Variants in VPS54 observed in about 807,000 individuals in gnomAD.
The protein encoded by VPS54 is vacuolar protein sorting-associated protein 54.
In VPS54, 45 loss-of-function variants were observed where a neutral mutation model predicts 121.5. The observed-to-expected ratio is 0.37, with a 90% CI of 0.29 to 0.47. The LOEUF (loss-of-function observed/expected upper bound fraction) is 0.47. Ranked by LOEUF, VPS54 falls within the 20% of genes least tolerant of loss-of-function variation. The pLI, the probability that VPS54 is intolerant of heterozygous loss-of-function variation, is 0.99. For synonymous variants in VPS54, 371 were observed against 385.8 expected, an observed-to-expected ratio of 0.96 and a Z score of 0.45; for missense variants, 1,090 against 1,131.4, an observed-to-expected ratio of 0.96 and a Z score of 0.52.
At chr2:63,984,724 A>G (rs1026203494) in intron 1 of VPS54, among the ~76,000 whole-genome samples, 3 of 152,246 alleles carry the variant, frequency 2.0e-5, no homozygotes, top group African/African-American at 7.2e-5. Context: ...TAAGCAAAAC[A>G]CAAGTTAACC....
intron 1 of VPS54, among the ~76,000 whole-genome samples, chr2:64,002,160 T>C (rs1384602829): frequency 6.6e-6 from 1 of 152,172 alleles, no homozygotes; most frequent in Non-Finnish European, 1.5e-5. Context: ...ATTGCTGCAC[T>C]CCTCCTATCC....
rs778510310 is a variant in VPS54 at position 63,933,906 on chromosome 2, A to C, written c.1506T>G (p.Asn502Lys). The C allele has an allele frequency of 6.2e-7, 1 of 1,613,770 alleles. No individual in the cohort carries two copies. Among genetic ancestry groups the C allele is most frequent in the South Asian group, 1.1e-5 (1 of 91,072 alleles). The part of the protein sequence containing the change: ...ISQQKNAAKD[N>K]SLDTEVAYLI... ...AATAAGCCACCTCTGTGTCCAGTGA[A>C]TTATCTTTTGCAGCATTCTTCTGTT... Residue 502 changes from asparagine to lysine, a missense_variant, in exon 12 of 23, where the codon AAT becomes AAG. Transcript: ENST00000272322.
rs1241958588 is a variant in VPS54 at position 63,897,608 on chromosome 2, CTA to C, written c.2734-20_2734-19del. The C allele has an allele frequency of 1.0e-5, 14 of 1,395,324 alleles. No homozygotes were observed. The African/African-American group carries it at 1.6e-4, about 16-fold the overall frequency. 86.4% of individuals were successfully genotyped at this position (1,395,324 alleles called of 1,614,324 possible). A position where few individuals can be genotyped will look rare whatever the true frequency, so the allele number is the denominator to read the frequency against. On this transcript the variant is annotated intron_variant, in intron 21 of 22. Transcript: ENST00000272322. ...AATAACATCTGAAAAAGAAATAAAA[CTA>C]AGTTTCTTAAAGTTCTACTGAAATA...
chr2:63,931,410 T>G (rs996898180), intron 12 of VPS54, among the ~76,000 whole-genome samples: 11 of 152,176 alleles, frequency 7.2e-5, no homozygotes, highest in Non-Finnish European at 1.6e-4. Context: ...GGGGAAAAGA[T>G]TCCCTATTTG....
intron 5 of VPS54, among the ~76,000 whole-genome samples, chr2:63,967,718 C>CAAAAAAAAAAAAAAAAAAAA (rs56820620): frequency 0.044 from 2,288 of 52,318 alleles, 438 homozygotes; most frequent in Non-Finnish European, 0.058. Flanking sequence ...GACTCTGCCT[C>CAAAAAAAAAAAAAAAAAAAA]AAAAAAAAAA....
At chr2:63,957,267 C>G (rs1675540037) in intron 7 of VPS54, among the ~76,000 whole-genome samples, 1 of 151,672 alleles carries the variant, frequency 6.6e-6, no homozygotes, top group African/African-American at 2.4e-5. Context: ...ACGGTGAAAC[C>G]CTGTCTCTAC....
chr2:63,980,602 C>T (rs1047045165), intron 3 of VPS54, among the ~76,000 whole-genome samples: 4 of 151,816 alleles, frequency 2.6e-5, no homozygotes, highest in Non-Finnish European at 4.4e-5. Context: ...TTAGTGGTTG[C>T]TTTAGGGTTT....
chr2:64,004,319 A>G (rs1481677957), intron 1 of VPS54, among the ~76,000 whole-genome samples: 2 of 152,184 alleles, frequency 1.3e-5, no homozygotes, highest in Admixed American at 6.5e-5. Context: ...TTCAGGCAAA[A>G]ATCACCAAAG....
intron 3 of VPS54, among the ~76,000 whole-genome samples, chr2:63,977,613 A>G (rs59335889): frequency 0.075 from 11,407 of 152,224 alleles, 857 homozygotes; most frequent in African/African-American, 0.2. Context: ...CATGTTGTCC[A>G]TGTTTTCCAC....
At chr2:63,919,377 CTT>C (rs909489796) in intron 15 of VPS54, among the ~76,000 whole-genome samples, 2 of 149,472 alleles carry the variant, frequency 1.3e-5, no homozygotes, top group African/African-American at 4.9e-5. Flanking sequence ...GACTTAGCCT[CTT>C]TAAAGCAGAA....
At chr2:63,994,031 C>T (rs1351968255) in intron 1 of VPS54, among the ~76,000 whole-genome samples, 8 of 152,064 alleles carry the variant, frequency 5.3e-5, no homozygotes, top group Non-Finnish European at 1.0e-4. Flanking sequence ...AAAGGAAAAC[C>T]ACAGGGAAAA....
chr2:63,970,597 C>T (rs1676238422), intron 4 of VPS54, among the ~76,000 whole-genome samples: 1 of 152,090 alleles, frequency 6.6e-6, no homozygotes, highest in Non-Finnish European at 1.5e-5. Context: ...ATAAAGGAGA[C>T]TTCTCAGTGT....
At chr2:63,912,775 A>G (rs1411902939) in intron 18 of VPS54, 114 bp from the exon 19 acceptor site, 11 of 1,331,956 alleles carry the variant, frequency 8.3e-6, no homozygotes, top group Admixed American at 3.1e-5. Flanking sequence ...GAACCAGTTT[A>G]TTTCATAAAC....
chr2:63,956,123 C>G (rs902136055), intron 7 of VPS54, among the ~76,000 whole-genome samples: 3 of 152,080 alleles, frequency 2.0e-5, no homozygotes, highest in Admixed American at 2.0e-4. Flanking sequence ...CCTTGTATAT[C>G]AATAAACTCT....
At chr2:64,011,290 G>A (rs559644214) in intron 1 of VPS54, among the ~76,000 whole-genome samples, 17 of 152,246 alleles carry the variant, frequency 1.1e-4, no homozygotes, top group East Asian at 7.7e-4. Flanking sequence ...AGGGGAGGCC[G>A]GGCACGGTGG....
chr2:63,985,930 G>C (rs1231787710), intron 1 of VPS54, among the ~76,000 whole-genome samples: 1 of 152,042 alleles, frequency 6.6e-6, no homozygotes, highest in Non-Finnish European at 1.5e-5. Flanking sequence ...TTATCTAAAG[G>C]ATAATACACA....
At chr2:63,951,978 A>T (rs1021638879) in intron 7 of VPS54, among the ~76,000 whole-genome samples, 1 of 152,252 alleles carries the variant, frequency 6.6e-6, no homozygotes, top group Middle Eastern at 3.4e-3. Flanking sequence ...CTTATTAACT[A>T]TTTACTGAAT....
chr2:63,986,481 G>A (rs1427377351), intron 1 of VPS54, among the ~76,000 whole-genome samples: 1 of 152,148 alleles, frequency 6.6e-6, no homozygotes, highest in East Asian at 1.9e-4. Flanking sequence ...TTGTGTATAT[G>A]TACCACATTT....
intron 7 of VPS54, among the ~76,000 whole-genome samples, chr2:63,958,206 T>A (rs976067760): frequency 1.3e-5 from 2 of 151,996 alleles, no homozygotes; most frequent in South Asian, 4.1e-4. Flanking sequence ...CAAAACATGG[T>A]AGGAGACTGT....
Sources: gnomAD v4.1 joint callset for allele counts (sites outside exome capture counted in the v4.1 genomes callset) on GRCh38, gnomAD v4.1.1 for gene constraint, MANE v1.5 for transcripts, NCBI Gene and HGNC (gene_info 2026-07-23, HGNC 2026-07-21) for gene names.